The following MAD1L1 variants were observed in gnomAD, a reference collection of about 807,000 sequenced individuals.
MAD1L1 encodes the protein mitotic spindle assembly checkpoint protein MAD1.
Under a neutral mutation model 96.9 loss-of-function variants are expected in MAD1L1, and 95 were observed. The ratio of observed to expected loss-of-function variants is 0.98; its 90% CI spans 0.83 to 1.16. The LOEUF is 1.16. Ranked by LOEUF, MAD1L1 falls within the 50% of genes most tolerant of loss-of-function variation. The pLI is 0.00. For synonymous variants in MAD1L1, 473 were observed against 396.6 expected, an observed-to-expected ratio of 1.19 and a Z score of -2.29; for missense variants, 1,007 against 954.4, an observed-to-expected ratio of 1.06 and a Z score of -0.73.
intron 16 of MAD1L1, among the ~76,000 whole-genome samples, chr7:1,939,616 T>C (rs1371595775): frequency 1.3e-5 from 2 of 152,202 alleles, no homozygotes; most frequent in African/African-American, 4.8e-5. Context: ...CCTTTGGCAA[T>C]GAGTTCCTGC....
intron 12 of MAD1L1, among the ~76,000 whole-genome samples, chr7:2,027,555 T>C (rs947635572): frequency 6.6e-6 from 1 of 152,174 alleles, no homozygotes; most frequent in Non-Finnish European, 1.5e-5. Context: ...CATTTGAAAA[T>C]CAATTAATTT....
intron 10 of MAD1L1, among the ~76,000 whole-genome samples, chr7:2,210,979 G>A (rs189264440): frequency 4.6e-5 from 7 of 152,332 alleles, no homozygotes; most frequent in Non-Finnish European, 8.8e-5. Flanking sequence ...TCAATAAAGA[G>A]AACACTGGCC....
chr7:1,986,778 T>G lies in MAD1L1; in HGVS notation c.1417-6237A>C, dbSNP rs867281956. 1.2e-4 allele frequency among the ~76,000 whole-genome samples: 18 copies of G among 152,296 alleles called. 1 individual carries two copies. In the South Asian group the frequency reaches 2.9e-3, roughly 25 times the overall value. On this transcript the variant is annotated intron_variant, in intron 14 of 18. Transcript: ENST00000265854. ...TGATTTCCAGGAAACAAGGGGGAAA[T>G]GCTGACGTGTGCCACAATGTTCAGA...
intron 18 of MAD1L1, among the ~76,000 whole-genome samples, chr7:1,884,632 G>A (rs1425618194): frequency 2.0e-5 from 3 of 152,250 alleles, no homozygotes; most frequent in Admixed American, 6.5e-5. Context: ...GACCGAGAGT[G>A]GCCTGGTGAG....
At chr7:1,981,591 C>T (rs1780910215) in intron 14 of MAD1L1, among the ~76,000 whole-genome samples, 1 of 152,120 alleles carries the variant, frequency 6.6e-6, no homozygotes, top group South Asian at 2.1e-4. Context: ...TGACCCACTC[C>T]AAAGCCCAGC....
chr7:2,169,852 C>T (rs13241949), intron 10 of MAD1L1, among the ~76,000 whole-genome samples: 4 of 103,250 alleles, frequency 3.9e-5, no homozygotes, highest in African/African-American at 2.2e-4. Flanking sequence ...TGGGGGCACT[C>T]GGAGCAGGGG....
rs757316832 is a variant in MAD1L1, at chr7:2,216,032, C to T, written c.810-33G>A. The T allele has an allele frequency of 2.5e-6, 4 of 1,612,616 alleles. No individual in the cohort carries two copies. The South Asian group carries it at 4.4e-5, about 18-fold the overall frequency. Reference sequence around the variant, plus strand: ...TGCCACAAAGAGTCGCTCAAATAGCCACACACCCTAGGGATAAGGCCAAGA... The same window carrying T: ...TGCCACAAAGAGTCGCTCAAATAGCTACACACCCTAGGGATAAGGCCAAGA... On this transcript the variant is annotated intron_variant, in intron 8 of 18. Transcript: ENST00000265854.
At chr7:1,898,060 T>G (rs1583696714) in intron 18 of MAD1L1, 140 bp downstream of exon 18, 1 of 892,566 alleles carries the variant, frequency 1.1e-6, no homozygotes, top group East Asian at 2.6e-5. Context: ...GACGGGCCAG[T>G]GCACCTCCTT....
At chr7:1,824,201 C>G (rs1273383952) in intron 18 of MAD1L1, among the ~76,000 whole-genome samples, 1 of 152,188 alleles carries the variant, frequency 6.6e-6, no homozygotes, top group Non-Finnish European at 1.5e-5. Context: ...TGAGCACTGC[C>G]GGCCCCAACG....
chr7:2,167,466 G>A (rs1019310991), intron 10 of MAD1L1, among the ~76,000 whole-genome samples: 8 of 151,876 alleles, frequency 5.3e-5, no homozygotes, highest in African/African-American at 1.7e-4. Flanking sequence ...GGAGAATGGC[G>A]TGAACCCGGG....
intron 18 of MAD1L1, among the ~76,000 whole-genome samples, chr7:1,893,578 C>T (rs936692700): frequency 3.3e-5 from 5 of 152,124 alleles, no homozygotes; most frequent in Non-Finnish European, 1.5e-5. Flanking sequence ...TCCCTGCCCT[C>T]CCACACTGGC....
intron 13 of MAD1L1, among the ~76,000 whole-genome samples, chr7:2,013,418 A>G (rs1782389360): frequency 6.6e-6 from 1 of 152,258 alleles, no homozygotes; most frequent in African/African-American, 2.4e-5. Flanking sequence ...GCTCGCAGAC[A>G]CCACAGGCCC....
chr7:2,222,794 C>A (rs144195184), intron 4 of MAD1L1, 40 bp from the exon 5 acceptor site: 2 of 1,520,586 alleles, frequency 1.3e-6, no homozygotes, highest in East Asian at 4.8e-5. Flanking sequence ...GTGCCGCCCA[C>A]GGGAGGGTCA....
In MAD1L1 at chr7:1,871,754, C is replaced by T. The variant is rs954890958; in HGVS notation, c.1998+26446G>A. 5.3e-5 allele frequency among the ~76,000 whole-genome samples: 8 copies of T among 152,142 alleles called. No individual in the cohort carries two copies. In the East Asian group the frequency reaches 7.7e-4, roughly 15 times the overall value. Reference sequence around the variant, plus strand: ...CGCTGAACCCAACATACGCCTGCCACGCTGAACCCAACATACGCCTGCCAC... The same window carrying T: ...CGCTGAACCCAACATACGCCTGCCATGCTGAACCCAACATACGCCTGCCAC... On this transcript the variant is annotated intron_variant, in intron 18 of 18. Coordinates refer to ENST00000265854, the MANE Select transcript of MAD1L1 (RefSeq NM_001013836.2).
At chr7:1,887,783 G>A (rs1223711169) in intron 18 of MAD1L1, among the ~76,000 whole-genome samples, 1 of 147,008 alleles carries the variant, frequency 6.8e-6, no homozygotes, top group Admixed American at 7.0e-5. Context: ...CTGTGTGTGT[G>A]CATGTGTGCA....
chr7:1,876,324 G>A lies in MAD1L1; in HGVS notation c.1998+21876C>T, dbSNP rs566826265. ...TGCAGCCCAAGGTCCCGAGCCCCCCGTCTGGTCCAACACCAGGTGCTTTGT... is the reference window on the plus strand; with the variant it reads ...TGCAGCCCAAGGTCCCGAGCCCCCCATCTGGTCCAACACCAGGTGCTTTGT... On this transcript the variant is annotated intron_variant, in intron 18 of 18. Transcript: ENST00000265854. 5.9e-5 allele frequency among the ~76,000 whole-genome samples: 9 copies of A among 152,112 alleles called. No individual in the cohort carries two copies. In the East Asian group the frequency reaches 9.7e-4, roughly 16 times the overall value.
intron 7 of MAD1L1, 77 bp from the exon 8 acceptor site, chr7:2,216,364 TAAGAG>T (rs1793281982): frequency 1.4e-6 from 2 of 1,470,210 alleles, no homozygotes; most frequent in Non-Finnish European, 1.8e-6. Context: ...CGCACACGGC[TAAGAG>T]AAGGAAGCCG....
intron 17 of MAD1L1, among the ~76,000 whole-genome samples, chr7:1,912,402 A>AGGCAGGC (rs1306876753): frequency 3.3e-5 from 5 of 152,194 alleles, no homozygotes; most frequent in Non-Finnish European, 7.3e-5. Context: ...GGGTGAGGTG[A>AGGCAGGC]GGCAGGCGGC....
rs1158455019 is a variant in MAD1L1 at position 2,146,699 on chromosome 7, GCAAAGC to G, written c.1073+2447_1073+2452del. Among the ~76,000 whole-genome samples, 1 of 152,200 alleles carries G rather than the reference GCAAAGC, an allele frequency of 6.6e-6. No individual in the cohort carries two copies. The highest frequency in any genetic ancestry group is 1.5e-5 in the Non-Finnish European group (1 of 68,034). On this transcript the variant is annotated intron_variant, in intron 11 of 18. Coordinates refer to ENST00000265854, the MANE Select transcript of MAD1L1 (RefSeq NM_001013836.2). This position sits in a 1 kb window ranked among gnomAD's most constrained non-coding sequence, Gnocchi z 6.2. ...GTGACTTTAAAATGAGGCCCGCCTG[GCAAAGC>G]CCTCGGGGATCTGGGCCACCGTGGC...
Sources: allele counts gnomAD v4.1 joint callset (sites outside exome capture counted in the v4.1 genomes callset), GRCh38; gene constraint gnomAD v4.1.1; non-coding constraint Gnocchi (gnomAD v3.1); transcripts MANE v1.5; gene names NCBI Gene and HGNC (gene_info 2026-07-23, HGNC 2026-07-21).